Variants in ABCG1 observed in about 807,000 individuals in gnomAD.
ABCG1 encodes ATP-binding cassette sub-family G member 1.
A neutral mutation model predicts 69.2 loss-of-function variants in ABCG1; 29 were observed. The ratio of observed to expected loss-of-function variants is 0.42; its 90% CI spans 0.31 to 0.57. The LOEUF (loss-of-function observed/expected upper bound fraction) is 0.57, where lower values mean the gene tolerates loss of function less well. Among genes scored for constraint, ABCG1 ranks in the 20% least tolerant of loss-of-function variants. The pLI is 0.15. For synonymous variants in ABCG1, 370 were observed against 374.8 expected, an observed-to-expected ratio of 0.99 and a Z score of 0.15; for missense variants, 718 against 898.1, an observed-to-expected ratio of 0.80 and a Z score of 2.56.
chr21:42,283,555 T>A (rs956260728), intron 6 of ABCG1, among the ~76,000 whole-genome samples: 1 of 152,120 alleles, frequency 6.6e-6, no homozygotes, highest in Admixed American at 6.5e-5. Flanking sequence ...GATGCCCCCA[T>A]CGCCAGCCCC....
intron 5 of ABCG1, among the ~76,000 whole-genome samples, chr21:42,278,889 C>T (rs1406973439): frequency 1.3e-5 from 2 of 152,020 alleles, no homozygotes; most frequent in South Asian, 2.1e-4. Flanking sequence ...GTTTTGCCAC[C>T]CCCCAGTCCT....
chr21:42,262,821 G>A (rs1293143784), intron 2 of ABCG1, among the ~76,000 whole-genome samples: 1 of 152,238 alleles, frequency 6.6e-6, no homozygotes, highest in Admixed American at 6.5e-5. Context: ...AAAAGATGGA[G>A]AAGAACACAG....
At chr21:42,224,763 A>G (rs182043804) in intron 1 of ABCG1, among the ~76,000 whole-genome samples, 146 of 152,238 alleles carry the variant, frequency 9.6e-4, no homozygotes, top group African/African-American at 3.4e-3. Flanking sequence ...AGGTACCTGA[A>G]GCTTATTGAT....
At chr21:42,201,775 A>G in intron 2 of ABCG1, 1 of 1,612,298 alleles carries the variant, frequency 6.2e-7, no homozygotes, top group South Asian at 1.1e-5. Context: ...TCAGATCCAG[A>G]CTGGGCTTGT....
chr21:42,201,643 G>A (rs771087098), exon 2 of ABCG1: 2 of 1,596,110 alleles, frequency 1.3e-6, no homozygotes, highest in East Asian at 2.2e-5. Flanking sequence ...CAGACATCAG[G>A]GATCACCGAC....
chr21:42,208,695 C>CT (rs1047556464), intron 2 of ABCG1, among the ~76,000 whole-genome samples: 2 of 152,258 alleles, frequency 1.3e-5, no homozygotes, highest in South Asian at 2.1e-4. Context: ...CCTCCATTTT[C>CT]TTTTTTTCAT....
intron 2 of ABCG1, among the ~76,000 whole-genome samples, chr21:42,270,031 C>G (rs111523838): frequency 6.6e-6 from 1 of 151,492 alleles, no homozygotes; most frequent in Admixed American, 6.6e-5. Flanking sequence ...TTTGGGAGGC[C>G]GAGGCGGGCG....
rs2067691718 is a variant in ABCG1 at position 42,219,782 on chromosome 21, C to T, written c.42+478C>T. ...CATCCCCAGGAACGCCAGGCAAGGT[C>T]TGGGGGAACAAAAGAGGAAGCTGCC... On this transcript the variant is annotated intron_variant, in intron 1 of 14. Coordinates refer to ENST00000398449, the MANE Select transcript of ABCG1 (RefSeq NM_016818.3). This position sits in a 1 kb window ranked among gnomAD's most constrained non-coding sequence, Gnocchi z 5.3. 4 of 1,418,658 alleles carry T rather than the reference C, an allele frequency of 2.8e-6. No homozygotes were observed. Among genetic ancestry groups the T allele is most frequent in the Non-Finnish European group, 2.8e-6 (3 of 1,088,136 alleles). 87.9% of individuals were successfully genotyped at this position (1,418,658 alleles called of 1,614,324 possible). A position where few individuals can be genotyped will look rare whatever the true frequency, so the allele number is the denominator to read the frequency against.
chr21:42,261,014 G>C (rs931730042), intron 2 of ABCG1, among the ~76,000 whole-genome samples: 1 of 152,008 alleles, frequency 6.6e-6, no homozygotes, highest in African/African-American at 2.4e-5. Context: ...GTAGAGACAG[G>C]GTTTCACCAT....
Position 42,260,786 on chromosome 21 carries a change from T to TCCCCACAG in ABCG1, c.287-10274_287-10267dup, listed in dbSNP as rs1436922430. 1.2e-4 allele frequency among the ~76,000 whole-genome samples: 18 copies of TCCCCACAG among 151,194 alleles called. No homozygotes were observed. In the East Asian group the frequency reaches 3.5e-3, roughly 29 times the overall value. ...TGTTCCCCCATGAGCTACCCACTTTTCCCCACAGCCCCACAGCTGTGTGCC... is the reference window on the plus strand; with the variant it reads ...TGTTCCCCCATGAGCTACCCACTTTTCCCCACAGCCCCACAGCCCCACAGCTGTGTGCC... On this transcript the variant is annotated intron_variant, in intron 2 of 14. Transcript: ENST00000398449.
rs2069207810 is a variant in ABCG1 at position 42,296,248 on chromosome 21, C to G, written c.1857C>G (p.Phe619Leu). 1 of 1,614,142 alleles carries G rather than the reference C, an allele frequency of 6.2e-7. No individual in the cohort carries two copies. The highest frequency in any genetic ancestry group is 2.2e-5 in the East Asian group (1 of 44,878). The change falls in exon 15 of 15, where the codon TTC (phenylalanine) becomes TTG (leucine). Residue 619 changes from phenylalanine (F) to leucine (L), a missense_variant. Around this residue, in one of 2 missense-constraint regions of ABCG1, gnomAD observed 204 missense variants for 323.8 expected, o/e 0.63. Coordinates refer to ENST00000398449, the MANE Select transcript of ABCG1 (RefSeq NM_016818.3). This position sits in a 1 kb window ranked among gnomAD's most constrained non-coding sequence, Gnocchi z 5.4. ...LHCDIDETCH[F>L]QKSEAILREL... ...GTGACATCGACGAGACGTGCCACTT[C>G]CAGAAGTCGGAGGCCATCCTGCGGG... is the stretch of plus-strand genomic sequence containing the variant.
chr21:42,268,216 C>A (rs1018371646), intron 2 of ABCG1, among the ~76,000 whole-genome samples: 6 of 152,132 alleles, frequency 3.9e-5, no homozygotes, highest in African/African-American at 1.4e-4. Flanking sequence ...GTCCATTATG[C>A]CAAGAAGTGG....
chr21:42,260,917 G>C (rs969915903), intron 2 of ABCG1, among the ~76,000 whole-genome samples: 1 of 151,898 alleles, frequency 6.6e-6, no homozygotes. Flanking sequence ...CGCCTCCCTC[G>C]TTCAAGCGAT....
intron 2 of ABCG1, among the ~76,000 whole-genome samples, chr21:42,242,377 T>C (rs1347656357): frequency 6.6e-6 from 1 of 152,166 alleles, no homozygotes; most frequent in East Asian, 1.9e-4. Context: ...AGTGTGCACC[T>C]GTAGTCCCAG....
At position 42,288,265 on chromosome 21, in the gene ABCG1, T is replaced by C. The variant is rs1410352317; in HGVS notation, c.1177T>C (p.Phe393Leu). 1 of 1,614,228 alleles carries C rather than the reference T, an allele frequency of 6.2e-7. No individual in the cohort carries two copies. Among genetic ancestry groups the C allele is most frequent in the South Asian group, 1.1e-5 (1 of 91,088 alleles). ...CTTCTCTGCCAGCTGCCTCACGCAG[T>C]TCTGCATCCTCTTCAAGAGGACCTT... The part of the protein sequence containing the change: ...HSFSASCLTQ[F>L]CILFKRTFLS... Residue 393 changes from phenylalanine (F) to leucine (L), a missense_variant, in exon 10 of 15, where the codon TTC becomes CTC. Around this residue, in one of 2 missense-constraint regions of ABCG1, gnomAD observed 514 missense variants for 574.3 expected, o/e 0.90. Transcript: ENST00000398449. This position sits in a 1 kb window ranked among gnomAD's most constrained non-coding sequence, Gnocchi z 4.8.
In ABCG1 at chr21:42,284,611, C is replaced by A; in HGVS notation, c.786C>A (p.Leu262=). 5 of 1,613,944 alleles carry A rather than the reference C, an allele frequency of 3.1e-6. No individual in the cohort carries two copies. Among genetic ancestry groups the A allele is most frequent in the Non-Finnish European group, 3.4e-6 (4 of 1,180,020 alleles). ...AGGTGGTCTCGCTGATGAAAGGGCTCGCTCAAGGGGGTCGCTCCATCATTT... is the reference window on the plus strand; with the variant it reads ...AGGTGGTCTCGCTGATGAAAGGGCTAGCTCAAGGGGGTCGCTCCATCATTT... ...CFQVVSLMKG[L]AQGGRSIICT... The change falls in exon 7 of 15, where the codon CTC becomes CTA. Residue 262 remains leucine (L), a synonymous_variant. Coordinates refer to ENST00000398449, the MANE Select transcript of ABCG1 (RefSeq NM_016818.3).
chr21:42,237,573 G>A (rs1279732156), intron 2 of ABCG1, among the ~76,000 whole-genome samples: 1 of 152,232 alleles, frequency 6.6e-6, no homozygotes, highest in African/African-American at 2.4e-5. Flanking sequence ...CTGCGTCTCA[G>A]CTGCCCAGCC....
At chr21:42,246,024 C>G (rs1005070320) in intron 2 of ABCG1, among the ~76,000 whole-genome samples, 1 of 152,016 alleles carries the variant, frequency 6.6e-6, no homozygotes, top group African/African-American at 2.4e-5. Context: ...TGGGGGCAGG[C>G]GGGGGACATG....
At chr21:42,285,655 A>C (rs2068925436) in intron 7 of ABCG1, among the ~76,000 whole-genome samples, 1 of 152,208 alleles carries the variant, frequency 6.6e-6, no homozygotes, top group African/African-American at 2.4e-5. Context: ...CAATATAGTC[A>C]AATCATCCTG....
Sources: allele counts gnomAD v4.1 joint callset (sites outside exome capture counted in the v4.1 genomes callset), GRCh38; gene constraint gnomAD v4.1.1; regional missense constraint gnomAD v4.1.1; non-coding constraint Gnocchi (gnomAD v3.1); transcripts MANE v1.5; gene names NCBI Gene and HGNC (gene_info 2026-07-23, HGNC 2026-07-21).